The following GALNTL6 variants were observed in gnomAD, a reference collection of about 807,000 sequenced individuals.
The protein encoded by GALNTL6 is polypeptide N-acetylgalactosaminyltransferase-like 6.
A neutral mutation model predicts 73.7 loss-of-function variants in GALNTL6; 46 were observed. That is an observed-to-expected ratio of 0.62 (90% CI 0.49 to 0.80). GALNTL6 has a LOEUF of 0.80. Among genes scored for constraint, GALNTL6 ranks in the 30% least tolerant of loss-of-function variants. The pLI is 0.00. For synonymous variants in GALNTL6, 259 were observed against 263.7 expected, an observed-to-expected ratio of 0.98 and a Z score of 0.17; for missense variants, 604 against 755.0, an observed-to-expected ratio of 0.80 and a Z score of 2.34.
intron 5 of GALNTL6, among the ~76,000 whole-genome samples, chr4:172,370,677 C>T (rs973674649): frequency 2.0e-5 from 3 of 148,902 alleles, no homozygotes; most frequent in African/African-American, 5.0e-5. Context: ...TGTCTGACTT[C>T]GGAAGCCTTT....
intron 5 of GALNTL6, among the ~76,000 whole-genome samples, chr4:172,744,524 A>G (rs920208035): frequency 6.6e-6 from 1 of 152,130 alleles, no homozygotes; most frequent in African/African-American, 2.4e-5. Flanking sequence ...GATGACTCAA[A>G]TCAGGGTTCT....
intron 2 of GALNTL6, among the ~76,000 whole-genome samples, chr4:172,099,413 C>T (rs562942123): frequency 5.9e-5 from 9 of 152,198 alleles, no homozygotes; most frequent in South Asian, 2.1e-4. Flanking sequence ...TGATGATACC[C>T]GCCATTTAGT....
intron 5 of GALNTL6, among the ~76,000 whole-genome samples, chr4:172,772,803 G>T (rs1470876222): frequency 6.6e-6 from 1 of 152,154 alleles, no homozygotes; most frequent in African/African-American, 2.4e-5. Flanking sequence ...TTGTGGATTT[G>T]ACTAAGTTAA....
intron 2 of GALNTL6, among the ~76,000 whole-genome samples, chr4:172,195,722 G>A (rs1470165391): frequency 6.6e-6 from 1 of 152,130 alleles, no homozygotes; most frequent in Non-Finnish European, 1.5e-5. Context: ...CAGAAATCAA[G>A]AAGTTATTTG....
At chr4:172,906,762 T>C (rs922229117) in intron 8 of GALNTL6, among the ~76,000 whole-genome samples, 2 of 152,224 alleles carry the variant, frequency 1.3e-5, no homozygotes, top group Non-Finnish European at 2.9e-5. Context: ...GGCCCTCTCA[T>C]AGCATGACAA....
chr4:172,312,082 G>C (rs1310274132), intron 4 of GALNTL6, among the ~76,000 whole-genome samples: 1 of 152,062 alleles, frequency 6.6e-6, no homozygotes, highest in Non-Finnish European at 1.5e-5. Context: ...CTGGTTATTA[G>C]AGCTACCAGA....
intron 3 of GALNTL6, among the ~76,000 whole-genome samples, chr4:172,245,720 C>G (rs115956875): frequency 6.6e-6 from 1 of 152,098 alleles, no homozygotes; most frequent in Non-Finnish European, 1.5e-5. Flanking sequence ...ACAAATTTGT[C>G]AGTGATGAGT....
intron 2 of GALNTL6, among the ~76,000 whole-genome samples, chr4:171,995,917 T>G (rs1203961866): frequency 1.3e-5 from 2 of 151,982 alleles, no homozygotes; most frequent in African/African-American, 4.8e-5. Context: ...AATATAACAC[T>G]TAACAACCAT....
intron 2 of GALNTL6, among the ~76,000 whole-genome samples, chr4:172,183,882 T>A (rs1282496427): frequency 6.8e-6 from 1 of 147,040 alleles, no homozygotes; most frequent in East Asian, 2.2e-4. Flanking sequence ...AACCTCCACC[T>A]CCCAGGTTCA....
chr4:172,329,775 C>T (rs893050810), intron 4 of GALNTL6, among the ~76,000 whole-genome samples: 12 of 152,194 alleles, frequency 7.9e-5, no homozygotes, highest in South Asian at 4.1e-4. Context: ...CCCATCTGTC[C>T]CCCTGGGAAC....
At chr4:172,794,236 TA>T (rs1740146811) in intron 5 of GALNTL6, among the ~76,000 whole-genome samples, 1 of 152,198 alleles carries the variant, frequency 6.6e-6, no homozygotes, top group African/African-American at 2.4e-5. Context: ...GAATTCCTTC[TA>T]AAATTTGGGG....
intron 2 of GALNTL6, among the ~76,000 whole-genome samples, chr4:171,870,092 G>A (rs561338599): frequency 1.3e-5 from 2 of 152,272 alleles, no homozygotes; most frequent in East Asian, 3.9e-4. Flanking sequence ...ATATGACGGA[G>A]ACCAAGAGAT....
chr4:172,567,482 C>T (rs1456759805), intron 5 of GALNTL6, among the ~76,000 whole-genome samples: 6 of 152,100 alleles, frequency 3.9e-5, no homozygotes, highest in Non-Finnish European at 7.4e-5. Flanking sequence ...TTATCTCAGA[C>T]GAGAACCAGC....
chr4:171,923,653 G>A (rs1239553739), intron 2 of GALNTL6, among the ~76,000 whole-genome samples: 1 of 149,790 alleles, frequency 6.7e-6, no homozygotes, highest in Non-Finnish European at 1.5e-5. Flanking sequence ...TGATCCACCC[G>A]CCTTGGCCTC....
intron 5 of GALNTL6, among the ~76,000 whole-genome samples, chr4:172,427,170 G>T (rs1211507979): frequency 1.3e-5 from 2 of 152,200 alleles, no homozygotes; most frequent in African/African-American, 2.4e-5. Flanking sequence ...GCTTCACGCT[G>T]CTCATAAAGA....
At chr4:172,595,025 T>A (rs1273132164) in intron 5 of GALNTL6, among the ~76,000 whole-genome samples, 2 of 152,180 alleles carry the variant, frequency 1.3e-5, no homozygotes, top group Non-Finnish European at 2.9e-5. Context: ...ACCATCTTCT[T>A]ATATCCTTAC....
intron 7 of GALNTL6, among the ~76,000 whole-genome samples, chr4:172,882,232 T>G (rs953132812): frequency 3.9e-5 from 6 of 152,188 alleles, no homozygotes; most frequent in African/African-American, 1.4e-4. Flanking sequence ...TTAGTTTAAA[T>G]TTCAACTTTG....
chr4:172,858,077 A>G (rs1744207705), intron 7 of GALNTL6, among the ~76,000 whole-genome samples: 1 of 152,158 alleles, frequency 6.6e-6, no homozygotes, highest in Non-Finnish European at 1.5e-5. Context: ...ATTGAATAGT[A>G]CTCAATTTAG....
At chr4:173,038,297 G>C (rs542296618) in intron 12 of GALNTL6, among the ~76,000 whole-genome samples, 1 of 152,212 alleles carries the variant, frequency 6.6e-6, no homozygotes, top group African/African-American at 2.4e-5. Flanking sequence ...CAGCGAAGGA[G>C]ACTGCTGCCT....
Sources: allele counts gnomAD v4.1 joint callset (sites outside exome capture counted in the v4.1 genomes callset), GRCh38; gene constraint gnomAD v4.1.1; transcripts MANE v1.5; gene names NCBI Gene and HGNC (gene_info 2026-07-23, HGNC 2026-07-21).